Variants in EVA1C observed in about 807,000 individuals in gnomAD.
EVA1C encodes the protein eva-1 homolog C.
A neutral mutation model predicts 45.4 loss-of-function variants in EVA1C; 25 were observed. The observed-to-expected ratio is 0.55, with a 90% confidence interval of 0.40 to 0.77. EVA1C has a LOEUF of 0.77. Ranked by LOEUF, EVA1C falls within the 30% of genes least tolerant of loss-of-function variation. EVA1C has a pLI of 0.00. For missense variants in EVA1C, 479 were observed against 554.8 expected (o/e 0.86, Z 1.37); for synonymous variants, 190 against 221.2 (o/e 0.86, Z 1.25).
chr21:32,451,278 G>A (rs1206866350), intron 1 of EVA1C, among the ~76,000 whole-genome samples: 3 of 152,192 alleles, frequency 2.0e-5, no homozygotes, highest in Non-Finnish European at 2.9e-5. Flanking sequence ...TCCCTTCAGA[G>A]ACCAAGGGCT....
At chr21:32,493,464 G>A (rs146550969) in intron 4 of EVA1C, among the ~76,000 whole-genome samples, 72 of 152,032 alleles carry the variant, frequency 4.7e-4, no homozygotes, top group South Asian at 1.9e-3. Flanking sequence ...GCCTACTCCC[G>A]CCTTTCCAGC....
chr21:32,434,038 A>T (rs57117071), intron 1 of EVA1C, among the ~76,000 whole-genome samples: 87,256 of 151,368 alleles, frequency 0.58, 28,211 homozygotes, highest in African/African-American at 0.87. Flanking sequence ...CTTACACCTG[A>T]AATCTTAGCA....
chr21:32,483,728 G>A (rs1390014607), intron 4 of EVA1C, among the ~76,000 whole-genome samples: 9 of 152,106 alleles, frequency 5.9e-5, no homozygotes, highest in Admixed American at 2.6e-4. Context: ...CATGTTCCAG[G>A]CTGTCCATTT....
At chr21:32,480,302 T>TAAAAA (rs56902183) in intron 4 of EVA1C, among the ~76,000 whole-genome samples, 1 of 105,188 alleles carries the variant, frequency 9.5e-6, no homozygotes, top group African/African-American at 4.2e-5. Context: ...CCCTGTCTCT[T>TAAAAA]AAAAAAAAAA....
intron 3 of EVA1C, among the ~76,000 whole-genome samples, chr21:32,459,724 C>G (rs1362048766): frequency 6.6e-6 from 1 of 151,798 alleles, no homozygotes; most frequent in Non-Finnish European, 1.5e-5. Flanking sequence ...GCCTGTAATC[C>G]CAGCTAGTAG....
At chr21:32,457,523 G>A in intron 2 of EVA1C, 74 bp from the exon 3 acceptor site, 3 of 1,592,042 alleles carry the variant, frequency 1.9e-6, no homozygotes, top group Non-Finnish European at 2.6e-6. Context: ...AGAGCCCAGA[G>A]CAGCCCAGGT....
At chr21:32,436,593 A>G (rs1202527810) in intron 1 of EVA1C, among the ~76,000 whole-genome samples, 8 of 152,200 alleles carry the variant, frequency 5.3e-5, no homozygotes, top group African/African-American at 1.4e-4. Context: ...TTAGAATGCC[A>G]TTGACTTGGT....
chr21:32,503,833 G>A lies in EVA1C; in HGVS notation c.860-93G>A, dbSNP rs1342139516. ...GATTTCTGTGACTTTTAATTATTCC[G>A]GCGGTCCCTGGGGTAGGAGCAGCAG... On this transcript the variant is annotated intron_variant, in intron 6 of 7. Transcript: ENST00000300255. The A allele has an allele frequency of 5.2e-5, 38 of 736,970 alleles. 1 individual carries two copies. The highest frequency in any genetic ancestry group is 5.0e-4 in the South Asian group (25 of 49,910). 45.7% of individuals were successfully genotyped at this position (736,970 alleles called of 1,614,324 possible). A position where few individuals can be genotyped will look rare whatever the true frequency, so the allele number is the denominator to read the frequency against.
chr21:32,425,850 C>G (rs1312945637), intron 1 of EVA1C, among the ~76,000 whole-genome samples: 2 of 152,178 alleles, frequency 1.3e-5, no homozygotes, highest in African/African-American at 4.8e-5. Context: ...ACAGCGCCCC[C>G]ACAGCAAAGA....
At chr21:32,504,100 C>G (rs753751938) in intron 7 of EVA1C, 85 bp downstream of exon 7, 63 of 929,418 alleles carry the variant, frequency 6.8e-5, no homozygotes, top group Middle Eastern at 6.7e-4. Context: ...TTATAGCACT[C>G]AGATAACTAA....
rs61177845 is a variant in EVA1C at position 32,475,340 on chromosome 21, T to TATCATC, written c.634+7516_634+7521dup. ...AAGAGCATTTCCAGTTCTTCTAAAATATCATCATCATCATCATCATCATCA... is the reference window on the plus strand; with the variant it reads ...AAGAGCATTTCCAGTTCTTCTAAAATATCATCATCATCATCATCATCATCATCATCA... On this transcript the variant is annotated intron_variant, in intron 4 of 7. Transcript: ENST00000300255. Among the ~76,000 whole-genome samples the TATCATC allele has an allele frequency of 2.2e-3, 330 of 150,932 alleles. 3 individuals carry two copies. The highest frequency in any genetic ancestry group is 6.6e-3 in the African/African-American group (270 of 40,844).
At chr21:32,498,017 A>G (rs1274051451) in intron 5 of EVA1C, among the ~76,000 whole-genome samples, 1 of 152,146 alleles carries the variant, frequency 6.6e-6, no homozygotes, top group Non-Finnish European at 1.5e-5. Flanking sequence ...CCACATCACT[A>G]ATGCTGAGAT....
chr21:32,468,540 C>T (rs1437278041), intron 4 of EVA1C, among the ~76,000 whole-genome samples: 3 of 151,972 alleles, frequency 2.0e-5, no homozygotes, highest in Non-Finnish European at 2.9e-5. Context: ...TTAATTTACA[C>T]GATCACAGGT....
chr21:32,412,573 G>C (rs1601175978), upstream of EVA1C: 2 of 347,570 alleles, frequency 5.8e-6, no homozygotes, highest in East Asian at 9.1e-5. Flanking sequence ...GGCCCCCCTC[G>C]CTTCCTCCGG....
At chr21:32,485,950 A>G (rs1224978863) in intron 4 of EVA1C, among the ~76,000 whole-genome samples, 2 of 152,218 alleles carry the variant, frequency 1.3e-5, no homozygotes. Context: ...GCTCGCTTCC[A>G]GTGACCCAGG....
chr21:32,492,965 ATG>A (rs139336360), intron 4 of EVA1C, among the ~76,000 whole-genome samples: 5 of 150,770 alleles, frequency 3.3e-5, no homozygotes, highest in Non-Finnish European at 7.4e-5. Context: ...CACAAAATTG[ATG>A]TGTGTGTGTG....
At chr21:32,455,188 G>C (rs2035732586) in intron 2 of EVA1C, among the ~76,000 whole-genome samples, 1 of 152,102 alleles carries the variant, frequency 6.6e-6, no homozygotes, top group Non-Finnish European at 1.5e-5. Flanking sequence ...ACATCCTCTA[G>C]GGGGTTGGAG....
intron 1 of EVA1C, among the ~76,000 whole-genome samples, chr21:32,438,738 A>G (rs1434540543): frequency 6.6e-6 from 1 of 152,158 alleles, no homozygotes; most frequent in Non-Finnish European, 1.5e-5. Flanking sequence ...ATGAGGATTG[A>G]TTGTAGATGC....
intron 3 of EVA1C, among the ~76,000 whole-genome samples, chr21:32,459,683 A>T (rs2035924618): frequency 6.6e-6 from 1 of 152,086 alleles, no homozygotes; most frequent in South Asian, 2.1e-4. Context: ...CTCTACTAAA[A>T]ATATGAAATT....
Sources: allele counts gnomAD v4.1 joint callset (sites outside exome capture counted in the v4.1 genomes callset), GRCh38; gene constraint gnomAD v4.1.1; transcripts MANE v1.5; gene names NCBI Gene and HGNC (gene_info 2026-07-23, HGNC 2026-07-21).